CPED1: variants seen among roughly 807,000 people sequenced by gnomAD.
The protein encoded by CPED1 is cadherin-like and PC-esterase domain-containing protein 1.
A neutral mutation model predicts 128.2 loss-of-function variants in CPED1; 114 were observed. The ratio of observed to expected loss-of-function variants is 0.89; its 90% CI spans 0.76 to 1.04. CPED1 has a LOEUF of 1.04. CPED1 is among the 50% of genes least tolerant of loss of function. The pLI, the probability that CPED1 is intolerant of heterozygous loss-of-function variation, is 0.00. For missense variants in CPED1, 1,211 were observed against 1,207.1 expected, an observed-to-expected ratio of 1.00 and a Z score of -0.05; for synonymous variants, 462 against 426.7, an observed-to-expected ratio of 1.08 and a Z score of -1.02.
At chr7:121,231,145 CAGAA>C (rs1407840367) in intron 16 of CPED1, among the ~76,000 whole-genome samples, 2 of 151,980 alleles carry the variant, frequency 1.3e-5, no homozygotes, top group African/African-American at 4.8e-5. Context: ...GGCTGGGTAA[CAGAA>C]AGAATCTTCT....
At chr7:121,169,707 T>C (rs1184707647) in intron 16 of CPED1, among the ~76,000 whole-genome samples, 1 of 152,220 alleles carries the variant, frequency 6.6e-6, no homozygotes, top group Non-Finnish European at 1.5e-5. Flanking sequence ...TATTGATCTG[T>C]GGCTAGTGAG....
chr7:121,117,098 T>TATATATATATATAA (rs1226906588), intron 7 of CPED1, among the ~76,000 whole-genome samples: 20 of 134,650 alleles, frequency 1.5e-4, no homozygotes, highest in African/African-American at 5.6e-4. Context: ...TATATATATA[T>TATATATATATATAA]AAATATATAT....
intron 16 of CPED1, among the ~76,000 whole-genome samples, chr7:121,182,905 C>T (rs554229756): frequency 2.0e-5 from 3 of 152,114 alleles, no homozygotes; most frequent in East Asian, 3.9e-4. Flanking sequence ...TTAGTTTCCT[C>T]CTTTTTTTCC....
chr7:121,069,157 T>C (rs1451927134), intron 5 of CPED1, among the ~76,000 whole-genome samples: 3 of 152,164 alleles, frequency 2.0e-5, no homozygotes, highest in Non-Finnish European at 4.4e-5. Flanking sequence ...TCAGTGCCTC[T>C]GTTTGCAAAA....
chr7:121,123,989 TGA>T (rs1482667591), intron 7 of CPED1, among the ~76,000 whole-genome samples: 4 of 152,292 alleles, frequency 2.6e-5, no homozygotes, highest in African/African-American at 9.6e-5. Flanking sequence ...ACAAAGATTC[TGA>T]GCAGTGGGTG....
chr7:121,191,761 A>C (rs1438881153), intron 16 of CPED1, among the ~76,000 whole-genome samples: 4 of 152,122 alleles, frequency 2.6e-5, no homozygotes, highest in Non-Finnish European at 5.9e-5. Flanking sequence ...ACAGAAATTG[A>C]GAAAGATGGT....
At chr7:121,041,627 G>T (rs1211567524) in intron 3 of CPED1, among the ~76,000 whole-genome samples, 6 of 152,092 alleles carry the variant, frequency 3.9e-5, no homozygotes, top group Non-Finnish European at 5.9e-5. Context: ...TGTGAGCCAG[G>T]AAATGAGTGT....
chr7:121,234,737 TTTA>T (rs1039614411), intron 16 of CPED1, among the ~76,000 whole-genome samples: 2 of 151,964 alleles, frequency 1.3e-5, no homozygotes, highest in African/African-American at 4.8e-5. Context: ...CAGATTTCCT[TTTA>T]TTCTCTTAAC....
intron 16 of CPED1, among the ~76,000 whole-genome samples, chr7:121,181,826 T>C (rs1274600581): frequency 6.6e-6 from 1 of 152,096 alleles, no homozygotes; most frequent in Admixed American, 6.6e-5. Flanking sequence ...CACACCTAGT[T>C]CCTGGCAAGG....
intron 16 of CPED1, among the ~76,000 whole-genome samples, chr7:121,236,417 C>G (rs1001078083): frequency 2.6e-5 from 4 of 152,096 alleles, no homozygotes; most frequent in African/African-American, 7.2e-5. Context: ...GTATTGTCCT[C>G]TATTATAGTT....
chr7:121,244,358 G>A lies in CPED1; in HGVS notation c.2310+20G>A, dbSNP rs953425623. The A allele has an allele frequency of 7.4e-6, 12 of 1,613,628 alleles. No homozygotes were observed. The Admixed American group carries it at 1.3e-4, about 18-fold the overall frequency. ...AGGAAGGTAGGTTCTGGATCTAGTG[G>A]GGGAAGCCTTTAATGTATGCCACCT... is the stretch of plus-strand genomic sequence containing the variant. On this transcript the variant is annotated intron_variant, in intron 18 of 22. Coordinates refer to ENST00000310396, the MANE Select transcript of CPED1 (RefSeq NM_024913.5).
intron 11 of CPED1, among the ~76,000 whole-genome samples, chr7:121,129,339 A>G (rs908648816): frequency 3.3e-4 from 29 of 87,914 alleles, no homozygotes; most frequent in East Asian, 2.2e-3. Context: ...ATATATACGT[A>G]TATATATATA....
At chr7:121,224,406 T>A (rs2116630738) in intron 16 of CPED1, among the ~76,000 whole-genome samples, 1 of 152,148 alleles carries the variant, frequency 6.6e-6, no homozygotes, top group East Asian at 1.9e-4. Context: ...GAATAAGTGC[T>A]ATGTGGTGAT....
chr7:121,275,169 C>T (rs561343901), intron 22 of CPED1, among the ~76,000 whole-genome samples: 118 of 152,150 alleles, frequency 7.8e-4, no homozygotes, highest in Admixed American at 2.0e-3. Context: ...CTATCATAGA[C>T]ATAACAAACT....
intron 16 of CPED1, among the ~76,000 whole-genome samples, chr7:121,190,841 AAC>A (rs1258073301): frequency 2.0e-5 from 3 of 152,162 alleles, no homozygotes; most frequent in African/African-American, 7.2e-5. Flanking sequence ...ACATTTAGCA[AAC>A]ACATAAAATC....
intron 7 of CPED1, among the ~76,000 whole-genome samples, chr7:121,115,025 T>G (rs1795203573): frequency 6.6e-6 from 1 of 152,218 alleles, no homozygotes; most frequent in African/African-American, 2.4e-5. Flanking sequence ...TTGATTCATA[T>G]CCTTTTGTAA....
At chr7:121,187,042 G>T (rs771820622) in intron 16 of CPED1, among the ~76,000 whole-genome samples, 19 of 152,124 alleles carry the variant, frequency 1.2e-4, no homozygotes, top group Non-Finnish European at 2.5e-4. Flanking sequence ...ATTTTCTGGG[G>T]TACAGTGGGT....
intron 4 of CPED1, 56 bp downstream of exon 4, chr7:121,047,049 G>T (rs1793218341): frequency 1.2e-5 from 13 of 1,044,320 alleles, no homozygotes; most frequent in African/African-American, 3.2e-5. Context: ...ATTAACACTG[G>T]CATTTCCTGG....
chr7:121,079,972 A>G (rs1218364454), intron 5 of CPED1, among the ~76,000 whole-genome samples: 2 of 152,228 alleles, frequency 1.3e-5, no homozygotes, highest in African/African-American at 2.4e-5. Context: ...TGAAGAAGTG[A>G]AAAGAAAGAT....
Sources: allele counts gnomAD v4.1 joint callset (sites outside exome capture counted in the v4.1 genomes callset), GRCh38; gene constraint gnomAD v4.1.1; transcripts MANE v1.5; gene names NCBI Gene and HGNC (gene_info 2026-07-23, HGNC 2026-07-21).